The following SAMD5 variants were observed in gnomAD, a reference collection of about 807,000 sequenced individuals.
SAMD5 encodes sterile alpha motif domain-containing protein 5.
A neutral mutation model predicts 11.3 loss-of-function variants in SAMD5; 13 were observed. That is an observed-to-expected ratio of 1.15 (90% CI 0.75 to 1.83). SAMD5 has a LOEUF of 1.83. Ranked by LOEUF, SAMD5 falls within the 40% of genes most tolerant of loss-of-function variation. SAMD5 has a pLI of 0.00. For missense variants in SAMD5, 255 were observed against 239.1 expected, an observed-to-expected ratio of 1.07 and a Z score of -0.44; for synonymous variants, 129 against 111.3, an observed-to-expected ratio of 1.16 and a Z score of -1.00.
chr6:147,783,304 C>A, the SAMD5 span, among the ~76,000 whole-genome samples: 2 of 151,244 alleles, frequency 1.3e-5, no homozygotes. Flanking sequence ...GAACATCAAC[C>A]AGCATTGGAC....
At chr6:147,532,187 G>C (rs1227660461) in intron 1 of SAMD5, among the ~76,000 whole-genome samples, 2 of 151,870 alleles carry the variant, frequency 1.3e-5, no homozygotes, top group African/African-American at 4.8e-5. Context: ...TGGTTACATA[G>C]ATAAATTCTT....
At chr6:147,530,944 C>CT (rs1193680904) in intron 1 of SAMD5, among the ~76,000 whole-genome samples, 2 of 152,222 alleles carry the variant, frequency 1.3e-5, no homozygotes, top group Admixed American at 1.3e-4. Flanking sequence ...ACTTGACCTA[C>CT]TTTCATTTAG....
downstream of SAMD5, among the ~76,000 whole-genome samples, chr6:147,739,335 C>T (rs906034406): frequency 5.3e-5 from 8 of 152,202 alleles, no homozygotes; most frequent in East Asian, 1.2e-3. Context: ...GTGGCTCACA[C>T]CTGTAATCCT....
chr6:147,622,929 A>G (rs1789993474), intron 1 of SAMD5, among the ~76,000 whole-genome samples: 1 of 152,216 alleles, frequency 6.6e-6, no homozygotes, highest in Admixed American at 6.5e-5. Context: ...GAAACCCCTT[A>G]TAAAACCATC....
At chr6:147,547,455 T>G (rs1270831990) in intron 1 of SAMD5, among the ~76,000 whole-genome samples, 2 of 133,258 alleles carry the variant, frequency 1.5e-5, no homozygotes, top group Admixed American at 1.6e-4. Context: ...CCCGTTTGCT[T>G]TGCTGGCTGT....
At chr6:147,676,728 G>A (rs920038439) in intron 1 of SAMD5, among the ~76,000 whole-genome samples, 1 of 150,296 alleles carries the variant, frequency 6.7e-6, no homozygotes, top group Non-Finnish European at 1.5e-5. Context: ...ATTTAAACCA[G>A]ACCTTGAAGA....
intron 1 of SAMD5, among the ~76,000 whole-genome samples, chr6:147,536,205 A>C (rs4895712): frequency 6.6e-6 from 1 of 151,992 alleles, no homozygotes; most frequent in African/African-American, 2.4e-5. Context: ...GGATGGTCTC[A>C]ATCTCCTGAC....
At chr6:147,629,875 C>A (rs1302895810) in intron 1 of SAMD5, among the ~76,000 whole-genome samples, 2 of 151,850 alleles carry the variant, frequency 1.3e-5, no homozygotes, top group African/African-American at 2.4e-5. Context: ...CAGTTATGTG[C>A]TCTGGAGGAT....
At chr6:147,693,426 C>T (rs73597497) in intron 1 of SAMD5, among the ~76,000 whole-genome samples, 6,326 of 152,268 alleles carry the variant, frequency 0.042, 150 homozygotes, top group South Asian at 0.058. Context: ...TTCATAAGGC[C>T]GTATGCTGCA....
At chr6:147,579,991 G>T (rs1163799410) in intron 1 of SAMD5, among the ~76,000 whole-genome samples, 1 of 152,200 alleles carries the variant, frequency 6.6e-6, no homozygotes, top group East Asian at 1.9e-4. Context: ...GCAATTGAAT[G>T]CTGGCTACTA....
chr6:147,887,654 G>T, the SAMD5 span, among the ~76,000 whole-genome samples: 6 of 152,128 alleles, frequency 3.9e-5, no homozygotes, highest in Non-Finnish European at 7.3e-5. Context: ...GCAAGTCTTT[G>T]TATAGGCATA....
the SAMD5 span, among the ~76,000 whole-genome samples, chr6:147,807,460 C>A: frequency 9.9e-5 from 15 of 152,130 alleles, no homozygotes; most frequent in Admixed American, 9.8e-4. Context: ...GCAACCGAAG[C>A]AGATGAATAC....
Position 147,566,096 on chromosome 6 carries a change from A to G in SAMD5, c.*1640A>G, listed in dbSNP as rs1276772127. The G allele has an allele frequency of 2.9e-5, 28 of 981,750 alleles. No individual in the cohort carries two copies. The highest frequency in any genetic ancestry group is 3.1e-5 in the Non-Finnish European group (26 of 826,744). 60.8% of individuals were successfully genotyped at this position (981,750 alleles called of 1,614,324 possible). A position where few individuals can be genotyped will look rare whatever the true frequency, so the allele number is the denominator to read the frequency against. On this transcript the variant is annotated 3_prime_UTR_variant, in exon 2 of 2. Coordinates refer to ENST00000367474, the MANE Select transcript of SAMD5 (RefSeq NM_001030060.3). The stretch of plus-strand genomic sequence containing the variant: ...GGTTTCTAAGGACAATTTTAACACA[A>G]TACTGCTTTAAAAATCTGAAGTTTA...
chr6:147,949,464 TTTC>T, the SAMD5 span, among the ~76,000 whole-genome samples: 3 of 152,220 alleles, frequency 2.0e-5, no homozygotes, highest in Admixed American at 6.5e-5. Flanking sequence ...TGAGTTTTAT[TTTC>T]ACTATAAAGA....
chr6:147,764,110 G>A, the SAMD5 span, among the ~76,000 whole-genome samples: 6 of 152,306 alleles, frequency 3.9e-5, no homozygotes, highest in East Asian at 1.2e-3. Context: ...AGTAATTCTG[G>A]TATACAATGC....
chr6:147,830,854 T>C, the SAMD5 span, among the ~76,000 whole-genome samples: 22 of 152,362 alleles, frequency 1.4e-4, no homozygotes, highest in African/African-American at 5.3e-4. Context: ...CTGGGAATAG[T>C]AACAAGAAAC....
At chr6:147,729,402 C>A (rs893362779) in intron 1 of SAMD5, among the ~76,000 whole-genome samples, 14 of 152,168 alleles carry the variant, frequency 9.2e-5, no homozygotes, top group Non-Finnish European at 1.5e-4. Flanking sequence ...AAAAGTGCCC[C>A]AATGGAGGAA....
chr6:147,713,724 C>A lies in SAMD5; in HGVS notation c.163-23593C>A, dbSNP rs1053965979. 5.9e-5 allele frequency among the ~76,000 whole-genome samples: 9 copies of A among 152,110 alleles called. No individual in the cohort carries two copies. In the South Asian group the frequency reaches 6.3e-4, roughly 11 times the overall value. On this transcript the variant is annotated intron_variant, in intron 1 of 1. Transcript: ENST00000566741. The stretch of plus-strand genomic sequence containing the variant: ...GGTAGAAGCTGAACAGAACTGTCAC[C>A]CAAATTCAGTGCTATTTCTTTATCT...
the SAMD5 span, among the ~76,000 whole-genome samples, chr6:147,767,119 A>T: frequency 6.6e-6 from 1 of 152,200 alleles, no homozygotes; most frequent in Non-Finnish European, 1.5e-5. Context: ...TACTGAGAGG[A>T]TTAGAAGGCA....
Sources: allele counts gnomAD v4.1 joint callset (sites outside exome capture counted in the v4.1 genomes callset), GRCh38; gene constraint gnomAD v4.1.1; transcripts MANE v1.5; gene names NCBI Gene and HGNC (gene_info 2026-07-23, HGNC 2026-07-21).